KIAA1217: variants seen among roughly 807,000 people sequenced by gnomAD.
The protein encoded by KIAA1217 is KIAA1217.
KIAA1217 carries 88 observed loss-of-function variants against 163.9 expected under a neutral mutation model. The ratio of observed to expected loss-of-function variants is 0.54; its 90% CI spans 0.45 to 0.64. KIAA1217 has a LOEUF of 0.64. Ranked by LOEUF, KIAA1217 falls within the 30% of genes least tolerant of loss-of-function variation. KIAA1217 has a pLI of 0.00. For synonymous variants in KIAA1217, 903 were observed against 923.1 expected (o/e 0.98, Z 0.39); for missense variants, 2,372 against 2,475.0 (o/e 0.96, Z 0.88).
At chr10:23,784,592 G>C (rs1835407351) in intron 1 of KIAA1217, among the ~76,000 whole-genome samples, 1 of 151,772 alleles carries the variant, frequency 6.6e-6, no homozygotes, top group Non-Finnish European at 1.5e-5. Flanking sequence ...AGAATGCTTT[G>C]ATTTCTTTGT....
chr10:24,327,957 G>A (rs115886605), intron 2 of KIAA1217, among the ~76,000 whole-genome samples: 2,047 of 152,182 alleles, frequency 0.013, 44 homozygotes, highest in African/African-American at 0.047. Context: ...CCTCCTATAT[G>A]CAGTCATGCT....
chr10:23,790,543 G>GTATATATGTATATATA (rs1491339585), intron 1 of KIAA1217, among the ~76,000 whole-genome samples: 1 of 99,608 alleles, frequency 1.0e-5, no homozygotes, highest in Admixed American at 1.0e-4. Flanking sequence ...ATATACATGT[G>GTATATATGTATATATA]CATATATACA....
rs115166815 is a variant in KIAA1217 at position 24,527,526 on chromosome 10, G to A, written c.2899-410G>A. On this transcript the variant is annotated intron_variant, in intron 13 of 20. Coordinates refer to ENST00000376454, the MANE Select transcript of KIAA1217 (RefSeq NM_019590.5). ...AAAAAAAAAAAAATTAGCCATGTGT[G>A]GTGGCTGAACATGTGTAATCCTAGT... Among the ~76,000 whole-genome samples, 45 of 151,456 alleles carry A rather than the reference G, an allele frequency of 3.0e-4. 1 individual carries two copies. Among genetic ancestry groups the A allele is most frequent in the Non-Finnish European group, 1.5e-4 (10 of 67,886 alleles).
chr10:23,961,879 C>A (rs1194993181), intron 1 of KIAA1217, among the ~76,000 whole-genome samples: 5 of 152,194 alleles, frequency 3.3e-5, no homozygotes, highest in Admixed American at 2.6e-4. Context: ...ATCTCCCTCT[C>A]TCTCTTCACT....
chr10:24,152,663 C>A (rs1181095048), intron 2 of KIAA1217, among the ~76,000 whole-genome samples: 1 of 151,370 alleles, frequency 6.6e-6, no homozygotes, highest in Non-Finnish European at 1.5e-5. Context: ...GAACATATTA[C>A]ATCTTTTCTA....
chr10:23,888,600 T>C (rs1295658083), intron 1 of KIAA1217, among the ~76,000 whole-genome samples: 1 of 151,960 alleles, frequency 6.6e-6, no homozygotes, highest in Non-Finnish European at 1.5e-5. Context: ...GACTGCTTAG[T>C]ATTTTTTAAA....
At chr10:24,529,609 A>G (rs1250212477) in intron 14 of KIAA1217, among the ~76,000 whole-genome samples, 1 of 151,910 alleles carries the variant, frequency 6.6e-6, no homozygotes, top group Non-Finnish European at 1.5e-5. Context: ...TTCATCCCCT[A>G]AAGTTCCACT....
chr10:23,898,165 G>C (rs939480528), intron 1 of KIAA1217, among the ~76,000 whole-genome samples: 1 of 151,880 alleles, frequency 6.6e-6, no homozygotes, highest in African/African-American at 2.4e-5. Flanking sequence ...CCAGGATACC[G>C]GGTACTTTAT....
chr10:23,869,478 T>G (rs1813908603), intron 1 of KIAA1217, among the ~76,000 whole-genome samples: 1 of 152,092 alleles, frequency 6.6e-6, no homozygotes, highest in African/African-American at 2.4e-5. Context: ...TCTCTTTTAT[T>G]GACTACAAGT....
chr10:24,333,847 GA>G (rs959898162), intron 2 of KIAA1217, among the ~76,000 whole-genome samples: 13 of 152,192 alleles, frequency 8.5e-5, no homozygotes, highest in Non-Finnish European at 1.5e-4. Flanking sequence ...ATTCAGTGTG[GA>G]AAAATGTTGA....
At chr10:24,086,590 T>A (rs1471718100) in intron 2 of KIAA1217, among the ~76,000 whole-genome samples, 1 of 152,216 alleles carries the variant, frequency 6.6e-6, no homozygotes, top group Non-Finnish European at 1.5e-5. Flanking sequence ...ATTTTCTGGC[T>A]AATGTTCCAT....
At chr10:23,935,085 T>C (rs1843467816) in intron 1 of KIAA1217, among the ~76,000 whole-genome samples, 1 of 152,162 alleles carries the variant, frequency 6.6e-6, no homozygotes, top group Non-Finnish European at 1.5e-5. Context: ...TGCATTTCTA[T>C]TTAAGATAAG....
At chr10:24,317,451 G>A (rs2043544965) in intron 2 of KIAA1217, among the ~76,000 whole-genome samples, 1 of 152,034 alleles carries the variant, frequency 6.6e-6, no homozygotes, top group Non-Finnish European at 1.5e-5. Context: ...TATGACACAG[G>A]TGAAAGCCAT....
At chr10:24,341,616 A>G (rs1434398051) in intron 2 of KIAA1217, among the ~76,000 whole-genome samples, 1 of 151,888 alleles carries the variant, frequency 6.6e-6, no homozygotes, top group Non-Finnish European at 1.5e-5. Flanking sequence ...ACTCTGCGTC[A>G]TAGCCAAAGA....
At position 24,371,187 on chromosome 10, in the gene KIAA1217, G is replaced by A. The variant is rs189866360; in HGVS notation, c.355-9682G>A. Among the ~76,000 whole-genome samples the A allele has an allele frequency of 1.9e-3, 282 of 152,294 alleles. 1 individual carries two copies. Among genetic ancestry groups the A allele is most frequent in the Non-Finnish European group, 2.5e-3 (172 of 68,026 alleles). The stretch of plus-strand genomic sequence containing the variant: ...TACAGGTAGGCCACAAGGCAGACAG[G>A]TGGCAGGTTGATGTCTAATCCTGGA... On this transcript the variant is annotated intron_variant, in intron 2 of 20. Transcript: ENST00000376454.
intron 1 of KIAA1217, among the ~76,000 whole-genome samples, chr10:23,709,683 A>G (rs1254165361): frequency 6.6e-6 from 1 of 152,204 alleles, no homozygotes; most frequent in East Asian, 1.9e-4. Flanking sequence ...TTTATACACA[A>G]TTATATGGCA....
chr10:24,117,373 C>T (rs1266343821), intron 2 of KIAA1217, among the ~76,000 whole-genome samples: 2 of 152,090 alleles, frequency 1.3e-5, no homozygotes, highest in Non-Finnish European at 2.9e-5. Context: ...AGCATGGTGG[C>T]TCATGCCTGT....
rs574954672 is a variant in KIAA1217, at chr10:24,068,982, C to T, written c.-171+61608C>T. On this transcript the variant is annotated intron_variant, in intron 2 of 18. Transcript: ENST00000376462. The stretch of plus-strand genomic sequence containing the variant: ...CATCAGCATTCTGAGACAAATGAGA[C>T]AGAAGCCAGTTCCTTAGGCAACCCT... Among the ~76,000 whole-genome samples the T allele has an allele frequency of 1.5e-4, 23 of 152,076 alleles. No homozygotes were observed. In the South Asian group the frequency reaches 1.7e-3, roughly 11 times the overall value.
chr10:24,485,234 G>A (rs2065238825), intron 6 of KIAA1217, among the ~76,000 whole-genome samples: 1 of 152,074 alleles, frequency 6.6e-6, no homozygotes, highest in Non-Finnish European at 1.5e-5. Flanking sequence ...GGTAGTGGGT[G>A]TGAGAGAATG....
Sources: allele counts gnomAD v4.1 joint callset (sites outside exome capture counted in the v4.1 genomes callset), GRCh38; gene constraint gnomAD v4.1.1; transcripts MANE v1.5; gene names NCBI Gene and HGNC (gene_info 2026-07-23, HGNC 2026-07-21).